RPS6KC1: variants seen among roughly 807,000 people sequenced by gnomAD.
RPS6KC1 encodes the protein inactive ribosomal protein S6 kinase delta-1.
A neutral mutation model predicts 103.8 loss-of-function variants in RPS6KC1; 54 were observed. The observed-to-expected ratio is 0.52, with a 90% CI of 0.42 to 0.65. RPS6KC1 has a LOEUF of 0.65. Ranked by LOEUF, RPS6KC1 falls within the 30% of genes least tolerant of loss-of-function variation. RPS6KC1 has a pLI of 0.00. For synonymous variants in RPS6KC1, 439 were observed against 438.7 expected (o/e 1.00, Z -0.01); for missense variants, 1,151 against 1,253.8 (o/e 0.92, Z 1.24).
the RPS6KC1 span, among the ~76,000 whole-genome samples, chr1:213,586,323 C>T: frequency 1.3e-5 from 2 of 152,204 alleles, no homozygotes; most frequent in African/African-American, 2.4e-5. Context: ...CAGCCCCTGG[C>T]TCGGCCACAC....
intron 7 of RPS6KC1, among the ~76,000 whole-genome samples, chr1:213,171,998 G>A (rs535857613): frequency 2.0e-5 from 3 of 152,200 alleles, no homozygotes; most frequent in South Asian, 4.2e-4. Flanking sequence ...TTGTTTTCCC[G>A]CAGTAATGGT....
At chr1:213,203,977 G>A (rs1439437389) in intron 8 of RPS6KC1, among the ~76,000 whole-genome samples, 1 of 152,214 alleles carries the variant, frequency 6.6e-6, no homozygotes. Context: ...TCTGCTGGAA[G>A]CTCCTATTCT....
At chr1:213,134,774 A>G (rs2086079212) in intron 6 of RPS6KC1, among the ~76,000 whole-genome samples, 1 of 152,278 alleles carries the variant, frequency 6.6e-6, no homozygotes, top group South Asian at 2.1e-4. Context: ...AGGTTTGATA[A>G]AGGGAAGCAA....
the RPS6KC1 span, among the ~76,000 whole-genome samples, chr1:213,474,192 G>T: frequency 7.9e-5 from 12 of 152,098 alleles, no homozygotes; most frequent in Non-Finnish European, 1.8e-4. Context: ...TGGAGCAACT[G>T]CTCCTATCGG....
chr1:213,816,993 C>T, the RPS6KC1 span, among the ~76,000 whole-genome samples: 45 of 152,322 alleles, frequency 3.0e-4, no homozygotes, highest in South Asian at 9.1e-3. Context: ...AGACTCTGTT[C>T]TCCCTTATAG....
chr1:213,332,365 A>G, the RPS6KC1 span, among the ~76,000 whole-genome samples: 1 of 152,234 alleles, frequency 6.6e-6, no homozygotes, highest in African/African-American at 2.4e-5. Context: ...CCTTTTCTGC[A>G]CTAGCTGTCA....
the RPS6KC1 span, among the ~76,000 whole-genome samples, chr1:213,343,440 T>TACATACACATATACAC: frequency 5.0e-5 from 4 of 80,414 alleles, no homozygotes; most frequent in African/African-American, 2.0e-4. Context: ...TATATATATA[T>TACATACACATATACAC]ACATACCATG....
chr1:213,749,133 C>T, the RPS6KC1 span, among the ~76,000 whole-genome samples: 1 of 152,100 alleles, frequency 6.6e-6, no homozygotes. Context: ...ATTCATAAGC[C>T]AGGAGAAAGT....
chr1:213,352,925 A>G, the RPS6KC1 span, among the ~76,000 whole-genome samples: 1 of 152,250 alleles, frequency 6.6e-6, no homozygotes, highest in Non-Finnish European at 1.5e-5. Flanking sequence ...CTATTTAAAA[A>G]TCAGTCAACC....
the RPS6KC1 span, among the ~76,000 whole-genome samples, chr1:213,519,074 G>T: frequency 3.2e-4 from 48 of 152,260 alleles, no homozygotes; most frequent in Middle Eastern, 3.4e-3. Context: ...GTAGACCTTG[G>T]GGCAAGCAAG....
At chr1:213,519,193 A>G in the RPS6KC1 span, among the ~76,000 whole-genome samples, 2 of 152,288 alleles carry the variant, frequency 1.3e-5, no homozygotes, top group East Asian at 3.9e-4. Context: ...GACTCATCTA[A>G]TTGGTGACCA....
At chr1:213,409,770 G>A in the RPS6KC1 span, among the ~76,000 whole-genome samples, 1 of 152,226 alleles carries the variant, frequency 6.6e-6, no homozygotes, top group South Asian at 2.1e-4. Flanking sequence ...AGGAACTGTT[G>A]AAATATATAA....
intron 14 of RPS6KC1, among the ~76,000 whole-genome samples, chr1:213,265,132 T>C (rs1483537335): frequency 6.6e-6 from 1 of 152,228 alleles, no homozygotes; most frequent in Non-Finnish European, 1.5e-5. Flanking sequence ...GGTTGGCAGC[T>C]GCTGTCTTGG....
the RPS6KC1 span, among the ~76,000 whole-genome samples, chr1:213,682,086 G>A: frequency 6.6e-6 from 1 of 152,178 alleles, no homozygotes; most frequent in African/African-American, 2.4e-5. Flanking sequence ...CAGTCATCCT[G>A]GTTTGCTGAG....
chr1:213,223,134 A>AT (rs1483072527), intron 8 of RPS6KC1, among the ~76,000 whole-genome samples: 2 of 152,194 alleles, frequency 1.3e-5, no homozygotes, highest in Non-Finnish European at 2.9e-5. Context: ...TCTCATCCAG[A>AT]TTATAAGCAG....
chr1:213,280,506 TA>T, the RPS6KC1 span, among the ~76,000 whole-genome samples: 1 of 152,232 alleles, frequency 6.6e-6, no homozygotes, highest in East Asian at 1.9e-4. Flanking sequence ...TTGGGAAAGA[TA>T]CCAGAATGTT....
the RPS6KC1 span, among the ~76,000 whole-genome samples, chr1:213,653,296 G>C: frequency 2.0e-5 from 3 of 152,060 alleles, no homozygotes; most frequent in African/African-American, 7.2e-5. Context: ...CATCTCTATT[G>C]AAAGTACAAA....
the RPS6KC1 span, among the ~76,000 whole-genome samples, chr1:213,517,858 G>T: frequency 3.9e-4 from 60 of 152,254 alleles, no homozygotes; most frequent in African/African-American, 1.4e-3. Flanking sequence ...TATTGTGTGG[G>T]AGTCTAAGTC....
the RPS6KC1 span, among the ~76,000 whole-genome samples, chr1:213,293,326 T>C: frequency 1.3e-5 from 2 of 152,200 alleles, no homozygotes; most frequent in African/African-American, 4.8e-5. Context: ...ATATATAACC[T>C]ATAATAATGA....
Sources: allele counts gnomAD v4.1 joint callset (sites outside exome capture counted in the v4.1 genomes callset), GRCh38; gene constraint gnomAD v4.1.1; transcripts MANE v1.5; gene names NCBI Gene and HGNC (gene_info 2026-07-23, HGNC 2026-07-21).